Variants in ZNF451 observed in about 807,000 individuals in gnomAD.
The protein encoded by ZNF451 is zinc finger protein 451.
ZNF451 carries 80 observed loss-of-function variants against 107.1 expected under a neutral mutation model. The ratio of observed to expected loss-of-function variants is 0.75; its 90% CI spans 0.62 to 0.90. The LOEUF is 0.90. Among genes scored for constraint, ZNF451 ranks in the 40% least tolerant of loss-of-function variants. The probability of loss-of-function intolerance (pLI) is 0.00; values close to 1 mark genes in which losing one functional copy is unlikely to be tolerated. For synonymous variants in ZNF451, 362 were observed against 406.5 expected (o/e 0.89, Z 1.32); for missense variants, 1,107 against 1,236.2 (o/e 0.90, Z 1.57).
At chr6:57,133,967 C>T (rs993827073) in intron 6 of ZNF451, among the ~76,000 whole-genome samples, 1 of 152,162 alleles carries the variant, frequency 6.6e-6, no homozygotes, top group Admixed American at 6.5e-5. Flanking sequence ...TGAGCCACCG[C>T]GCTCGGCCAG....
At position 57,153,835 on chromosome 6, in the gene ZNF451, A is replaced by C. The variant is rs760699806; in HGVS notation, c.2884-26A>C. On this transcript the variant is annotated intron_variant, in intron 12 of 14. Transcript: ENST00000370706. ...TTGAAACTCATGCTGATTTTTTATC[A>C]ACCTGTGCCATTTGTTCTAACTTAG... The C allele has an allele frequency of 8.7e-6, 14 of 1,610,940 alleles. No homozygotes were observed. In the Middle Eastern group the frequency reaches 5.4e-4, roughly 62 times the overall value.
chr6:57,120,909 T>C (rs568685133), intron 3 of ZNF451, among the ~76,000 whole-genome samples: 2 of 152,298 alleles, frequency 1.3e-5, no homozygotes, highest in Admixed American at 1.3e-4. Flanking sequence ...TTATAAATTA[T>C]TTTTTTCAAG....
At chr6:57,155,123 C>T (rs963886766) in intron 13 of ZNF451, among the ~76,000 whole-genome samples, 1 of 152,106 alleles carries the variant, frequency 6.6e-6, no homozygotes, top group Admixed American at 6.6e-5. Flanking sequence ...TCTTCCTATT[C>T]TGTAATTTTT....
At chr6:57,166,853 T>C (rs1331408556) in intron 14 of ZNF451, among the ~76,000 whole-genome samples, 1 of 152,160 alleles carries the variant, frequency 6.6e-6, no homozygotes, top group Non-Finnish European at 1.5e-5. Context: ...AATAGGAATT[T>C]TTCAGGTCTA....
chr6:57,126,268 A>G (rs1391885231), intron 4 of ZNF451, among the ~76,000 whole-genome samples: 1 of 151,988 alleles, frequency 6.6e-6, no homozygotes, highest in Non-Finnish European at 1.5e-5. Context: ...ATTTGTCTAG[A>G]TTTCATTCTT....
intron 9 of ZNF451, among the ~76,000 whole-genome samples, chr6:57,145,511 C>T (rs917671147): frequency 6.6e-6 from 1 of 152,252 alleles, no homozygotes; most frequent in South Asian, 2.1e-4. Context: ...TATATGTCCA[C>T]GTGTACCCAT....
chr6:57,101,109 C>T, intron 3 of ZNF451: 1 of 1,550,684 alleles, frequency 6.4e-7, no homozygotes, highest in Non-Finnish European at 8.7e-7. Flanking sequence ...AAAATTTATC[C>T]ACAGTTGAAG....
At chr6:57,108,056 T>G (rs975618587) in intron 3 of ZNF451, 1 of 677,378 alleles carries the variant, frequency 1.5e-6, no homozygotes, top group Admixed American at 6.3e-5. Flanking sequence ...GTCCAGGTGG[T>G]CTCAATCTCC....
At chr6:57,162,902 A>G (rs1029110256) in intron 14 of ZNF451, among the ~76,000 whole-genome samples, 3 of 152,194 alleles carry the variant, frequency 2.0e-5, no homozygotes, top group African/African-American at 7.2e-5. Flanking sequence ...AATTATTTTT[A>G]TAGGATTCAA....
In ZNF451 at chr6:57,101,506, C is replaced by G. The variant is rs1346419252; in HGVS notation, c.186+2365C>G. ...CAAAAGAGGAAACACAACATCCCCT[C>G]TAGATTCTACCTCAAAAGAAATGGA... On this transcript the variant is annotated intron_variant, in intron 3 of 14. Transcript: ENST00000370706. The G allele has an allele frequency of 3.2e-6, 5 of 1,550,884 alleles. No homozygotes were observed. In the Admixed American group the frequency reaches 9.8e-5, roughly 30 times the overall value.
intron 14 of ZNF451, chr6:57,165,353 A>C (rs1244365343): frequency 6.6e-6 from 1 of 152,134 alleles, no homozygotes; most frequent in East Asian, 1.9e-4. Flanking sequence ...CCTGTAATGC[A>C]TATGTTAGTT....
intron 3 of ZNF451, 35 bp from the exon 4 acceptor site, chr6:57,124,694 AATTTT>A: frequency 7.0e-7 from 1 of 1,422,224 alleles, no homozygotes; most frequent in Non-Finnish European, 9.8e-7. Flanking sequence ...TCCAAATGCT[AATTTT>A]GTTAAAAGGA....
intron 9 of ZNF451, among the ~76,000 whole-genome samples, chr6:57,145,051 A>G (rs891845620): frequency 1.3e-5 from 2 of 152,244 alleles, no homozygotes; most frequent in Non-Finnish European, 2.9e-5. Flanking sequence ...TAATTCCACA[A>G]TAATTAGAGA....
chr6:57,144,532 C>T (rs768744655), intron 9 of ZNF451, among the ~76,000 whole-genome samples: 11 of 152,004 alleles, frequency 7.2e-5, no homozygotes, highest in South Asian at 2.1e-4. Context: ...TGTGCCACCG[C>T]GCCTAGCCGT....
intron 5 of ZNF451, among the ~76,000 whole-genome samples, chr6:57,131,759 A>C (rs575479363): frequency 6.6e-6 from 1 of 152,362 alleles, no homozygotes; most frequent in South Asian, 2.1e-4. Context: ...AATTCAATAA[A>C]GATAAATATT....
In ZNF451 at chr6:57,119,355, C is replaced by T. The variant is rs560844542; in HGVS notation, c.187-5379C>T. On this transcript the variant is annotated intron_variant, in intron 3 of 14. Coordinates refer to ENST00000370706, the MANE Select transcript of ZNF451 (RefSeq NM_001031623.3). ...CAGCCTGGCCAACATGGAGAAACCC[C>T]ATCTTTACTAAAAATACAAAAATTA... Among the ~76,000 whole-genome samples, 5 of 152,170 alleles carry T rather than the reference C, an allele frequency of 3.3e-5. No homozygotes were observed. The East Asian group carries it at 9.7e-4, about 29-fold the overall frequency.
chr6:57,106,105 T>A, intron 3 of ZNF451: 1 of 985,384 alleles, frequency 1.0e-6, no homozygotes, highest in Non-Finnish European at 1.2e-6. Context: ...ACATCCAGGA[T>A]AACCTCTCAG....
intron 7 of ZNF451, among the ~76,000 whole-genome samples, chr6:57,140,670 A>G (rs544381090): frequency 6.6e-6 from 1 of 152,186 alleles, no homozygotes; most frequent in African/African-American, 2.4e-5. Flanking sequence ...CCCAAAACTT[A>G]AAAAAAGAAA....
chr6:57,099,739 T>G, intron 3 of ZNF451: 1 of 452,316 alleles, frequency 2.2e-6, no homozygotes, highest in East Asian at 3.4e-5. Flanking sequence ...AGTTGAGCCC[T>G]TTGTAACAGT....
Sources: gnomAD v4.1 joint callset for allele counts (sites outside exome capture counted in the v4.1 genomes callset) on GRCh38, gnomAD v4.1.1 for gene constraint, MANE v1.5 for transcripts, NCBI Gene and HGNC (gene_info 2026-07-23, HGNC 2026-07-21) for gene names.